Variants in ATE1 observed in about 807,000 individuals in gnomAD.
The protein encoded by ATE1 is arginyl-tRNA--protein transferase 1.
Under a neutral mutation model 70.5 loss-of-function variants are expected in ATE1, and 36 were observed. The ratio of observed to expected loss-of-function variants is 0.51; its 90% CI spans 0.39 to 0.67. ATE1 has a LOEUF of 0.67. Among genes scored for constraint, ATE1 ranks in the 30% least tolerant of loss-of-function variants. The probability of loss-of-function intolerance (pLI) is 0.00; values close to 1 mark genes in which losing one functional copy is unlikely to be tolerated. For synonymous variants in ATE1, 232 were observed against 219.3 expected (o/e 1.06, Z -0.51); for missense variants, 593 against 629.5 (o/e 0.94, Z 0.62).
chr10:121,906,587 A>G (rs545656508), intron 5 of ATE1, among the ~76,000 whole-genome samples: 1 of 152,056 alleles, frequency 6.6e-6, no homozygotes, highest in South Asian at 2.1e-4. Context: ...GGTTCCAAAA[A>G]AAAAAAAATC....
chr10:121,868,080 C>A (rs1384862900), intron 8 of ATE1, among the ~76,000 whole-genome samples: 3 of 152,174 alleles, frequency 2.0e-5, no homozygotes, highest in East Asian at 1.9e-4. Context: ...TTATAAACAT[C>A]CCATCTCATT....
chr10:121,906,586 A>G (rs1418688006), intron 5 of ATE1, among the ~76,000 whole-genome samples: 1 of 151,902 alleles, frequency 6.6e-6, no homozygotes, highest in Non-Finnish European at 1.5e-5. Flanking sequence ...AGGTTCCAAA[A>G]AAAAAAAAAT....
chr10:121,848,146 G>T (rs953444331), intron 8 of ATE1, among the ~76,000 whole-genome samples: 2 of 152,134 alleles, frequency 1.3e-5, no homozygotes, highest in Non-Finnish European at 2.9e-5. Context: ...GTCAGTTTGT[G>T]ATATTTAAGG....
chr10:121,919,303 T>TA (rs781581220), intron 3 of ATE1, among the ~76,000 whole-genome samples: 8 of 152,058 alleles, frequency 5.3e-5, no homozygotes. Flanking sequence ...CAACTCCAGA[T>TA]ACACCAGCAC....
intron 11 of ATE1, among the ~76,000 whole-genome samples, chr10:121,745,277 G>C (rs1183799005): frequency 6.6e-6 from 1 of 152,200 alleles, no homozygotes; most frequent in Non-Finnish European, 1.5e-5. Flanking sequence ...TCCTACAGCA[G>C]TGGTTCTCAA....
chr10:121,787,703 C>T (rs755873300), intron 11 of ATE1, among the ~76,000 whole-genome samples: 3 of 152,178 alleles, frequency 2.0e-5, no homozygotes, highest in Non-Finnish European at 2.9e-5. Flanking sequence ...ATATATTCAT[C>T]GCTCACCAGG....
intron 11 of ATE1, among the ~76,000 whole-genome samples, chr10:121,761,367 A>G (rs559984766): frequency 6.6e-6 from 1 of 152,278 alleles, no homozygotes; most frequent in South Asian, 2.1e-4. Flanking sequence ...TCAAGGCAAA[A>G]CTCTTTATCA....
At chr10:121,856,478 C>T (rs975339859) in intron 8 of ATE1, among the ~76,000 whole-genome samples, 9 of 152,048 alleles carry the variant, frequency 5.9e-5, no homozygotes, top group Non-Finnish European at 1.0e-4. Flanking sequence ...TGCAGTGAGC[C>T]GAGATCATGC....
chr10:121,870,380 C>T (rs1419877787), intron 7 of ATE1, among the ~76,000 whole-genome samples: 2 of 152,158 alleles, frequency 1.3e-5, no homozygotes, highest in Non-Finnish European at 2.9e-5. Context: ...AATCAGCAAT[C>T]TTCCTGACCT....
chr10:121,828,103 T>A (rs1372317237), intron 10 of ATE1, among the ~76,000 whole-genome samples: 2 of 152,232 alleles, frequency 1.3e-5, no homozygotes, highest in African/African-American at 4.8e-5. Context: ...AAATGTCTTA[T>A]AAAGACTAAT....
chr10:121,907,547 G>A (rs1951246866), intron 5 of ATE1, among the ~76,000 whole-genome samples: 1 of 152,102 alleles, frequency 6.6e-6, no homozygotes, highest in African/African-American at 2.4e-5. Flanking sequence ...GGCCGAGGCG[G>A]ATGGATCACG....
chr10:121,858,464 T>A (rs896613241), intron 8 of ATE1, among the ~76,000 whole-genome samples: 2 of 151,854 alleles, frequency 1.3e-5, no homozygotes, highest in African/African-American at 4.8e-5. Flanking sequence ...TGTTTTGGTT[T>A]GGGTTGGCTT....
At chr10:121,847,857 C>G (rs1012790117) in intron 8 of ATE1, among the ~76,000 whole-genome samples, 5 of 150,860 alleles carry the variant, frequency 3.3e-5, no homozygotes, top group Middle Eastern at 3.6e-3. Context: ...AGATCATGAG[C>G]TCAGGAGATC....
chr10:121,911,968 G>T (rs554561402), intron 4 of ATE1, among the ~76,000 whole-genome samples: 1 of 151,936 alleles, frequency 6.6e-6, no homozygotes, highest in Non-Finnish European at 1.5e-5. Context: ...GGATGGTCTC[G>T]ATCTCCTGAC....
chr10:121,757,335 A>G (rs1944849514), intron 11 of ATE1, among the ~76,000 whole-genome samples: 1 of 151,936 alleles, frequency 6.6e-6, no homozygotes, highest in Admixed American at 6.6e-5. Context: ...ACTTTCCCAC[A>G]TTTTCCTGTC....
In ATE1 at chr10:121,878,363, C is replaced by T. The variant is rs141688239; in HGVS notation, c.943-8325G>A. ...ATCCCAGCACTTTGGGAGGCTGAGG[C>T]GGGTAGACTGCTTGAGGCCAGGAGT... On this transcript the variant is annotated intron_variant, in intron 7 of 11. Transcript: ENST00000224652. Among the ~76,000 whole-genome samples the T allele has an allele frequency of 6.9e-3, 1,048 of 152,082 alleles. 18 individuals carry two copies. Among genetic ancestry groups the T allele is most frequent in the African/African-American group, 0.024 (1,005 of 41,488 alleles).
rs74883656 is a variant in ATE1, at chr10:121,743,184, C to T, written c.*496G>A. The T allele has an allele frequency of 5.8e-3, 892 of 152,654 alleles. 8 individuals carry two copies. The highest frequency in any genetic ancestry group is 6.8e-3 in the Middle Eastern group (2 of 294). 9.5% of individuals were successfully genotyped at this position (152,654 alleles called of 1,614,324 possible). ...TTTGGCAGCAATTTCACATTGAACACTGAGTTGTAACAGCACAGTTTTGTT... is the reference window on the plus strand; with the variant it reads ...TTTGGCAGCAATTTCACATTGAACATTGAGTTGTAACAGCACAGTTTTGTT... On this transcript the variant is annotated 3_prime_UTR_variant, in exon 12 of 12. Coordinates refer to ENST00000224652, the MANE Select transcript of ATE1 (RefSeq NM_001001976.3).
At chr10:121,893,276 CA>C (rs771745075) in intron 7 of ATE1, among the ~76,000 whole-genome samples, 28 of 46,708 alleles carry the variant, frequency 6.0e-4, no homozygotes, top group South Asian at 3.3e-3. Flanking sequence ...GACTTAGTCT[CA>C]AAAAAAAAAA....
intron 11 of ATE1, among the ~76,000 whole-genome samples, chr10:121,756,598 C>G (rs901295646): frequency 6.6e-6 from 1 of 152,220 alleles, no homozygotes; most frequent in Non-Finnish European, 1.5e-5. Context: ...GCAGAGGTTC[C>G]CAAACCCCAA....
Sources: gnomAD v4.1 joint callset for allele counts (sites outside exome capture counted in the v4.1 genomes callset) on GRCh38, gnomAD v4.1.1 for gene constraint, MANE v1.5 for transcripts, NCBI Gene and HGNC (gene_info 2026-07-23, HGNC 2026-07-21) for gene names.